Variants in MYO6 observed in about 807,000 individuals in gnomAD.
MYO6 encodes myosin VI, also known as unconventional myosin-VI.
A neutral mutation model predicts 178.7 loss-of-function variants in MYO6; 74 were observed. That is an observed-to-expected ratio of 0.41 (90% CI 0.34 to 0.50). MYO6 has a LOEUF of 0.50. Ranked by LOEUF, MYO6 falls within the 20% of genes least tolerant of loss-of-function variation. The probability of loss-of-function intolerance (pLI) is 0.09; values close to 1 mark genes in which losing one functional copy is unlikely to be tolerated. For missense variants in MYO6, 1,330 were observed against 1,547.4 expected (o/e 0.86, Z 2.36); for synonymous variants, 477 against 504.6 (o/e 0.95, Z 0.73).
intron 14 of MYO6, among the ~76,000 whole-genome samples, chr6:75,859,690 C>T (rs1224770311): frequency 2.3e-5 from 3 of 132,738 alleles, no homozygotes; most frequent in African/African-American, 5.5e-5. Flanking sequence ...TTTTTTGAGA[C>T]GAAGTCTTGC....
At chr6:75,894,093 A>T (rs1173290760) in intron 28 of MYO6, among the ~76,000 whole-genome samples, 3 of 152,136 alleles carry the variant, frequency 2.0e-5, no homozygotes, top group Non-Finnish European at 4.4e-5. Flanking sequence ...TTTCTAAGGG[A>T]CTTGTTAATG....
chr6:75,801,303 G>A (rs932525048), intron 1 of MYO6, among the ~76,000 whole-genome samples: 3 of 151,992 alleles, frequency 2.0e-5, no homozygotes, highest in African/African-American at 4.8e-5. Flanking sequence ...AGAGAAGAGC[G>A]GGGAGAGGAG....
At chr6:75,855,098 T>A in intron 11 of MYO6, 41 bp from the exon 12 acceptor site, 1 of 1,502,812 alleles carries the variant, frequency 6.7e-7, no homozygotes, top group Non-Finnish European at 9.1e-7. Flanking sequence ...ATCTGGTTTA[T>A]ATAATACTTA....
Position 75,826,912 on chromosome 6 carries a change from C to CA in MYO6, c.188-1621dup, listed in dbSNP as rs1200668470. On this transcript the variant is annotated intron_variant, in intron 3 of 34. Coordinates refer to ENST00000369977, the MANE Select transcript of MYO6 (RefSeq NM_004999.4). ...TTGGCAACAGAGTGAGATTTTGTCT[C>CA]AAAAAAAGAAAAAAAAAAGCAGTGA... is the stretch of plus-strand genomic sequence containing the variant. Among the ~76,000 whole-genome samples the CA allele has an allele frequency of 2.1e-4, 31 of 148,534 alleles. No homozygotes were observed. In the East Asian group the frequency reaches 5.3e-3, roughly 25 times the overall value.
chr6:75,754,587 G>A (rs1229073923), intron 1 of MYO6, among the ~76,000 whole-genome samples: 1 of 139,220 alleles, frequency 7.2e-6, no homozygotes, highest in Non-Finnish European at 1.5e-5. Flanking sequence ...TATATTTTCT[G>A]TGGCAGAATT....
Position 75,793,814 on chromosome 6 carries a change from A to G in MYO6, c.-47-23687A>G, listed in dbSNP as rs1047566780. On this transcript the variant is annotated intron_variant, in intron 1 of 34. Transcript: ENST00000369977. The stretch of plus-strand genomic sequence containing the variant: ...TCTGAAACATCATTAGAATGATAGT[A>G]TAGGAATTAAAAAAAATTACATAGT... Among the ~76,000 whole-genome samples, 28 of 152,202 alleles carry G rather than the reference A, an allele frequency of 1.8e-4. 1 individual carries two copies. Among genetic ancestry groups the G allele is most frequent in the Admixed American group, 1.8e-3 (28 of 15,276 alleles).
intron 1 of MYO6, among the ~76,000 whole-genome samples, chr6:75,782,063 AG>A: frequency 6.6e-6 from 1 of 151,976 alleles, no homozygotes. Flanking sequence ...TATTATAGTG[AG>A]GTGAGTCATA....
In MYO6 at chr6:75,754,499, G is replaced by A. The variant is rs111696418; in HGVS notation, c.-48+5076G>A. On this transcript the variant is annotated intron_variant, in intron 1 of 34. Transcript: ENST00000369977. Reference sequence around the variant, plus strand: ...TGGGCCACTGCAGTCCAGCCTGGACGATTGAGTGAGACTCCGTCTCAAAAA... The same window carrying A: ...TGGGCCACTGCAGTCCAGCCTGGACAATTGAGTGAGACTCCGTCTCAAAAA... Among the ~76,000 whole-genome samples, 314 of 113,768 alleles carry A rather than the reference G, an allele frequency of 2.8e-3. 4 individuals are homozygous for A. Among genetic ancestry groups the A allele is most frequent in the African/African-American group, 9.5e-3 (290 of 30,484 alleles). 74.6% of individuals were successfully genotyped at this position (113,768 alleles called of 152,430 possible). A position where few individuals can be genotyped will look rare whatever the true frequency, so the allele number is the denominator to read the frequency against.
At chr6:75,823,285 T>C in intron 3 of MYO6, among the ~76,000 whole-genome samples, 1 of 152,322 alleles carries the variant, frequency 6.6e-6, no homozygotes, top group South Asian at 2.1e-4. Context: ...AATTACTAAT[T>C]GAAAAATTAA....
intron 18 of MYO6, among the ~76,000 whole-genome samples, chr6:75,868,746 T>C (rs1213972502): frequency 6.6e-6 from 1 of 152,120 alleles, no homozygotes; most frequent in Admixed American, 6.6e-5. Flanking sequence ...AAACAGGCTA[T>C]CATTTACAGC....
At chr6:75,807,137 C>G (rs1463157707) in intron 1 of MYO6, among the ~76,000 whole-genome samples, 1 of 152,180 alleles carries the variant, frequency 6.6e-6, no homozygotes, top group Non-Finnish European at 1.5e-5. Context: ...AATTTTCCTC[C>G]AGAATTTTAA....
chr6:75,865,477 C>T (rs1261504563), intron 16 of MYO6: 2 of 150,608 alleles, frequency 1.3e-5, no homozygotes, highest in African/African-American at 4.9e-5. Context: ...CATCCTCCCA[C>T]CTTAGCCTCT....
intron 1 of MYO6, among the ~76,000 whole-genome samples, chr6:75,761,197 G>A (rs935940261): frequency 3.3e-5 from 5 of 152,128 alleles, no homozygotes; most frequent in Admixed American, 2.6e-4. Flanking sequence ...ACTGTGGCTT[G>A]TATTGGCCAC....
intron 32 of MYO6, 111 bp downstream of exon 32, chr6:75,908,738 A>G (rs1780540195): frequency 1.7e-6 from 2 of 1,186,444 alleles, no homozygotes; most frequent in South Asian, 1.3e-5. Flanking sequence ...CCTATTTTAG[A>G]ACTGTGAGCC....
chr6:75,844,367 T>C (rs139315718), intron 9 of MYO6, among the ~76,000 whole-genome samples: 1,708 of 152,252 alleles, frequency 0.011, 30 homozygotes, highest in African/African-American at 0.039. Context: ...AAGCAAGTAG[T>C]GTAATTTATG....
At chr6:75,857,377 ACACT>A in intron 13 of MYO6, 123 bp downstream of exon 13, 1 of 973,362 alleles carries the variant, frequency 1.0e-6, no homozygotes, top group East Asian at 2.4e-5. Context: ...TTATATGTCC[ACACT>A]CACATTTCAT....
intron 5 of MYO6, among the ~76,000 whole-genome samples, chr6:75,831,558 T>G (rs1773076736): frequency 6.6e-6 from 1 of 152,190 alleles, no homozygotes; most frequent in South Asian, 2.1e-4. Flanking sequence ...CTAGCTTTTA[T>G]TTTTAGCTTT....
At chr6:75,854,943 G>A (rs1309048552) in intron 11 of MYO6, among the ~76,000 whole-genome samples, 196 bp from the exon 12 acceptor site, 2 of 152,160 alleles carry the variant, frequency 1.3e-5, no homozygotes, top group East Asian at 1.9e-4. Flanking sequence ...ACTTCCCCAA[G>A]GGAGGATCTT....
At chr6:75,872,512 C>A (rs998176725) in intron 19 of MYO6, among the ~76,000 whole-genome samples, 2 of 151,970 alleles carry the variant, frequency 1.3e-5, no homozygotes, top group Non-Finnish European at 2.9e-5. Context: ...TTATTTACTC[C>A]TTTTGTCATA....
Sources: allele counts gnomAD v4.1 joint callset (sites outside exome capture counted in the v4.1 genomes callset), GRCh38; gene constraint gnomAD v4.1.1; transcripts MANE v1.5; gene names NCBI Gene and HGNC (gene_info 2026-07-23, HGNC 2026-07-21).